TTC3: variants seen among roughly 807,000 people sequenced by gnomAD.
The protein encoded by TTC3 is tetratricopeptide repeat domain 3, also known as E3 ubiquitin-protein ligase TTC3.
A neutral mutation model predicts 249.6 loss-of-function variants in TTC3; 180 were observed. The observed-to-expected ratio is 0.72, with a 90% CI of 0.64 to 0.82. The LOEUF (loss-of-function observed/expected upper bound fraction) is 0.82. TTC3 is among the 40% of genes least tolerant of loss of function. The probability of loss-of-function intolerance (pLI) is 0.00; values close to 1 mark genes in which losing one functional copy is unlikely to be tolerated. For synonymous variants in TTC3, 717 were observed against 805.0 expected (o/e 0.89, Z 1.85); for missense variants, 2,061 against 2,398.4 (o/e 0.86, Z 2.94).
intron 11 of TTC3, among the ~76,000 whole-genome samples, chr21:37,114,749 A>G (rs2075978082): frequency 6.6e-6 from 1 of 152,110 alleles, no homozygotes; most frequent in Non-Finnish European, 1.5e-5. Context: ...TTATTGTGGC[A>G]GTATTCACAA....
chr21:37,083,538 C>A, intron 1 of TTC3: 1 of 417,036 alleles, frequency 2.4e-6, no homozygotes, highest in Non-Finnish European at 3.2e-6. Context: ...CTTAGGGAAG[C>A]AGAAATGACA....
At chr21:37,140,619 G>T (rs777729939) in exon 20 of TTC3, 3 of 1,606,136 alleles carry the variant, frequency 1.9e-6, no homozygotes, top group South Asian at 2.2e-5. Flanking sequence ...CCCAGTGAGG[G>T]CCTTGATTGC....
chr21:37,135,712 A>G (rs962240937), intron 18 of TTC3, among the ~76,000 whole-genome samples, 198 bp downstream of exon 18: 1 of 152,144 alleles, frequency 6.6e-6, no homozygotes, highest in African/African-American at 2.4e-5. Flanking sequence ...ATCCATGTTT[A>G]TATTCTCTCC....
intron 16 of TTC3, among the ~76,000 whole-genome samples, chr21:37,131,766 C>T (rs999705556): frequency 5.9e-5 from 9 of 152,128 alleles, no homozygotes; most frequent in Non-Finnish European, 1.2e-4. Flanking sequence ...ATTGCACACT[C>T]ATTTTGTGTT....
intron 42 of TTC3, among the ~76,000 whole-genome samples, chr21:37,197,149 T>A (rs189166746): frequency 2.6e-5 from 4 of 152,358 alleles, no homozygotes; most frequent in Admixed American, 6.5e-5. Context: ...AATTGAAATT[T>A]GTAAACAATG....
At position 37,123,263 on chromosome 21, in the gene TTC3, TG is replaced by T. The variant is rs1469349018; in HGVS notation, c.1109+238del. On this transcript the variant is annotated intron_variant, in intron 13 of 45. Coordinates refer to ENST00000355666, the Ensembl canonical transcript of TTC3. Reference sequence around the variant, plus strand: ...ATATAAGCTCAGTAGCCTAATCCTGTGGGAAAAGAGGGGTGAAATGTTAATT... The same window carrying T: ...ATATAAGCTCAGTAGCCTAATCCTGTGGAAAAGAGGGGTGAAATGTTAATT... Among the ~76,000 whole-genome samples, 6 of 152,296 alleles carry T rather than the reference TG, an allele frequency of 3.9e-5. No homozygotes were observed. In the East Asian group the frequency reaches 9.6e-4, roughly 24 times the overall value.
intron 15 of TTC3, among the ~76,000 whole-genome samples, chr21:37,127,229 T>G (rs1013206520): frequency 1.6e-4 from 25 of 152,158 alleles, no homozygotes; most frequent in African/African-American, 5.8e-4. Flanking sequence ...TCCCAAAGGT[T>G]CCACTTCCTA....
intron 15 of TTC3, 58 bp downstream of exon 15, chr21:37,126,201 G>T: frequency 1.3e-6 from 2 of 1,539,692 alleles, no homozygotes; most frequent in South Asian, 1.2e-5. Flanking sequence ...CCTAAATTTG[G>T]ATGCCCTACA....
intron 10 of TTC3, among the ~76,000 whole-genome samples, chr21:37,104,912 C>G (rs185427470): frequency 6.6e-6 from 1 of 152,164 alleles, no homozygotes; most frequent in Non-Finnish European, 1.5e-5. Context: ...TGTGCAGTCA[C>G]GGTTGAGACC....
chr21:37,122,359 T>C (rs2076648613), intron 12 of TTC3, among the ~76,000 whole-genome samples: 1 of 148,984 alleles, frequency 6.7e-6, no homozygotes, highest in African/African-American at 2.5e-5. Context: ...TCAGTAGAGC[T>C]GCTTGATGTT....
intron 28 of TTC3, chr21:37,157,125 T>G: frequency 7.0e-7 from 1 of 1,429,602 alleles, no homozygotes; most frequent in Non-Finnish European, 9.4e-7. Flanking sequence ...TGTAGGTATG[T>G]TATGCTAACA....
chr21:37,099,486 T>C (rs771198984), intron 10 of TTC3, among the ~76,000 whole-genome samples: 2 of 152,076 alleles, frequency 1.3e-5, no homozygotes, highest in African/African-American at 4.8e-5. Context: ...AAGGTGGTGA[T>C]AGAATAAAAG....
chr21:37,191,469 G>GTT, intron 40 of TTC3, 45 bp downstream of exon 40: 1 of 1,278,600 alleles, frequency 7.8e-7, no homozygotes, highest in Non-Finnish European at 1.1e-6. Context: ...CTTTATGATA[G>GTT]TTATAATTCT....
intron 35 of TTC3, among the ~76,000 whole-genome samples, chr21:37,176,234 C>T (rs1381047271): frequency 6.6e-6 from 1 of 152,176 alleles, no homozygotes; most frequent in African/African-American, 2.4e-5. Flanking sequence ...ATAAAATTTG[C>T]TGTTTTAACC....
chr21:37,150,000 T>TAAAAATAGTA, intron 23 of TTC3, 78 bp from the exon 24 acceptor site: 1 of 1,053,500 alleles, frequency 9.5e-7, no homozygotes, highest in Non-Finnish European at 1.4e-6. Context: ...TTCCTAGTGG[T>TAAAAATAGTA]AAAAATAGTA....
At position 37,122,418 on chromosome 21, in the gene TTC3, TA is replaced by T. The variant is rs1480155165; in HGVS notation, c.1063+441del. On this transcript the variant is annotated intron_variant, in intron 12 of 45. Coordinates refer to ENST00000355666, the Ensembl canonical transcript of TTC3. ...GCAGCGTGCTGAATATATATATATA[TA>T]ATATATATATATATATATTATATAT... Among the ~76,000 whole-genome samples, 67 of 31,436 alleles carry T rather than the reference TA, an allele frequency of 2.1e-3. 1 individual carries two copies. Among genetic ancestry groups the T allele is most frequent in the African/African-American group, 6.4e-3 (60 of 9,354 alleles). 20.6% of individuals were successfully genotyped at this position (31,436 alleles called of 152,430 possible).
chr21:37,078,822 T>C (rs565136956), intron 1 of TTC3, among the ~76,000 whole-genome samples: 4 of 152,200 alleles, frequency 2.6e-5, no homozygotes, highest in Non-Finnish European at 5.9e-5. Context: ...TGGCATACTT[T>C]ATACTTACGT....
At position 37,131,814 on chromosome 21, in the gene TTC3, G is replaced by A. The variant is rs374037244; in HGVS notation, c.1359-868G>A. On this transcript the variant is annotated intron_variant, in intron 16 of 45. Transcript: ENST00000355666. ...TGATACGGAAAAATGACAATATTTG[G>A]TATTGGAGAAAATCTACACATTGGA... Among the ~76,000 whole-genome samples, 8 of 152,234 alleles carry A rather than the reference G, an allele frequency of 5.3e-5. No homozygotes were observed. The East Asian group carries it at 1.5e-3, about 29-fold the overall frequency.
intron 2 of TTC3, 139 bp downstream of exon 2, chr21:37,087,540 G>A: frequency 9.0e-7 from 1 of 1,108,982 alleles, no homozygotes; most frequent in South Asian, 1.5e-5. Flanking sequence ...GTTGATTTGA[G>A]AAGGGAAAGT....
Sources: gnomAD v4.1 joint callset for allele counts (sites outside exome capture counted in the v4.1 genomes callset) on GRCh38, gnomAD v4.1.1 for gene constraint, MANE v1.5 for transcripts, NCBI Gene and HGNC (gene_info 2026-07-23, HGNC 2026-07-21) for gene names.